TBC1D19: variants seen among roughly 807,000 people sequenced by gnomAD.
TBC1D19 encodes the protein TBC1 domain family, member 19.
Under a neutral mutation model 89.0 loss-of-function variants are expected in TBC1D19, and 60 were observed. The observed-to-expected ratio is 0.67, with a 90% confidence interval of 0.55 to 0.84. The LOEUF (loss-of-function observed/expected upper bound fraction) is 0.84, where lower values mean the gene tolerates loss of function less well. Ranked by LOEUF, TBC1D19 falls within the 40% of genes least tolerant of loss-of-function variation. The pLI is 0.00. For synonymous variants in TBC1D19, 189 were observed against 199.7 expected (o/e 0.95, Z 0.45); for missense variants, 500 against 610.8 (o/e 0.82, Z 1.91).
intron 4 of TBC1D19, among the ~76,000 whole-genome samples, chr4:26,636,101 C>T (rs1048809952): frequency 1.3e-5 from 2 of 151,986 alleles, no homozygotes; most frequent in Admixed American, 6.6e-5. Context: ...TATTATTCCA[C>T]TTTCATTAAT....
At chr4:26,615,163 C>G (rs1741603843) in intron 3 of TBC1D19, among the ~76,000 whole-genome samples, 1 of 151,498 alleles carries the variant, frequency 6.6e-6, no homozygotes, top group East Asian at 1.9e-4. Context: ...CTTTTTTGTT[C>G]TTTGGCAAAA....
the TBC1D19 span, among the ~76,000 whole-genome samples, chr4:26,785,837 C>A: frequency 2.6e-5 from 4 of 152,128 alleles, no homozygotes; most frequent in Admixed American, 1.3e-4. Flanking sequence ...TCTTTAGGAA[C>A]TTTTTAGAAA....
chr4:26,605,153 T>C (rs1487696287), intron 1 of TBC1D19, among the ~76,000 whole-genome samples: 1 of 151,066 alleles, frequency 6.6e-6, no homozygotes, highest in Admixed American at 6.6e-5. Context: ...GCTGCACCCA[T>C]TAACTCGTCA....
intron 4 of TBC1D19, 50 bp downstream of exon 4, chr4:26,620,738 T>C (rs1741995423): frequency 1.3e-6 from 2 of 1,534,612 alleles, no homozygotes; most frequent in Non-Finnish European, 1.8e-6. Context: ...AGTTATGTAA[T>C]ACAGAGCAAA....
chr4:26,813,551 T>A, the TBC1D19 span, among the ~76,000 whole-genome samples: 2 of 152,208 alleles, frequency 1.3e-5, no homozygotes, highest in African/African-American at 4.8e-5. Flanking sequence ...AATATATAGT[T>A]TATATCCATG....
At chr4:26,831,842 C>G in the TBC1D19 span, among the ~76,000 whole-genome samples, 1 of 152,064 alleles carries the variant, frequency 6.6e-6, no homozygotes, top group African/African-American at 2.4e-5. Context: ...CTGCCCACCT[C>G]GGCAGATCAA....
intron 11 of TBC1D19, among the ~76,000 whole-genome samples, chr4:26,674,194 G>A (rs1399688681): frequency 6.6e-6 from 1 of 152,068 alleles, no homozygotes; most frequent in African/African-American, 2.4e-5. Context: ...AAGATGTGTG[G>A]TTGAATACGG....
chr4:26,680,335 T>C (rs1713224217), intron 11 of TBC1D19, among the ~76,000 whole-genome samples: 2 of 152,224 alleles, frequency 1.3e-5, no homozygotes, highest in South Asian at 4.1e-4. Flanking sequence ...CTTTACCCTA[T>C]GTTTGTACAT....
At chr4:26,774,533 G>T in the TBC1D19 span, among the ~76,000 whole-genome samples, 1 of 152,172 alleles carries the variant, frequency 6.6e-6, no homozygotes, top group Non-Finnish European at 1.5e-5. Context: ...TCTCTTGTCA[G>T]AATTTTCCCT....
intron 7 of TBC1D19, among the ~76,000 whole-genome samples, chr4:26,651,013 A>G (rs1194874086): frequency 6.6e-6 from 1 of 152,148 alleles, no homozygotes; most frequent in Non-Finnish European, 1.5e-5. Flanking sequence ...TTTGTCAAAG[A>G]TCAGATAGTT....
the TBC1D19 span, among the ~76,000 whole-genome samples, chr4:26,826,127 A>G: frequency 3.3e-4 from 50 of 152,340 alleles, no homozygotes; most frequent in African/African-American, 1.1e-3. Flanking sequence ...GCTTGAACCC[A>G]GGAGGCAGAA....
the TBC1D19 span, among the ~76,000 whole-genome samples, chr4:26,839,153 TA>T: frequency 3.3e-5 from 5 of 152,214 alleles, no homozygotes; most frequent in African/African-American, 1.2e-4. Context: ...GAATAGCTCC[TA>T]AACTGTGCAA....
the TBC1D19 span, among the ~76,000 whole-genome samples, chr4:26,782,898 A>AT: frequency 6.6e-6 from 1 of 152,058 alleles, no homozygotes; most frequent in Non-Finnish European, 1.5e-5. Flanking sequence ...GTATATTTGA[A>AT]TTTTTTATGA....
the TBC1D19 span, among the ~76,000 whole-genome samples, chr4:26,798,163 T>C: frequency 6.6e-6 from 1 of 152,102 alleles, no homozygotes; most frequent in Non-Finnish European, 1.5e-5. Context: ...AGGACTAATA[T>C]CCAGAATCTA....
At chr4:26,733,917 G>C (rs960306016) in intron 15 of TBC1D19, among the ~76,000 whole-genome samples, 2 of 152,186 alleles carry the variant, frequency 1.3e-5, no homozygotes, top group African/African-American at 4.8e-5. Flanking sequence ...GCAGTGAACT[G>C]TAACTGGTTA....
chr4:26,772,783 A>G, the TBC1D19 span, among the ~76,000 whole-genome samples: 1 of 152,266 alleles, frequency 6.6e-6, no homozygotes, highest in East Asian at 1.9e-4. Flanking sequence ...ATGTCCCTTC[A>G]AAGGACATGA....
chr4:26,792,199 C>A, the TBC1D19 span, among the ~76,000 whole-genome samples: 19 of 149,520 alleles, frequency 1.3e-4, no homozygotes, highest in Admixed American at 2.0e-4. Context: ...TTGTGTGTAA[C>A]GTAATTAGTT....
chr4:26,765,451 G>C, the TBC1D19 span, among the ~76,000 whole-genome samples: 23 of 151,500 alleles, frequency 1.5e-4, no homozygotes, highest in Admixed American at 1.2e-3. Flanking sequence ...AAAGAGGTAG[G>C]GGGGGATGGT....
chr4:26,817,285 G>T, the TBC1D19 span, among the ~76,000 whole-genome samples: 1 of 151,532 alleles, frequency 6.6e-6, no homozygotes, highest in East Asian at 1.9e-4. Context: ...CCCCTCTCCC[G>T]CACCCCGCCG....
Sources: allele counts gnomAD v4.1 joint callset (sites outside exome capture counted in the v4.1 genomes callset), GRCh38; gene constraint gnomAD v4.1.1; transcripts MANE v1.5; gene names NCBI Gene and HGNC (gene_info 2026-07-23, HGNC 2026-07-21).